GPC5: variants seen among roughly 807,000 people sequenced by gnomAD.
GPC5 encodes glypican-5.
A neutral mutation model predicts 53.9 loss-of-function variants in GPC5; 47 were observed. That is an observed-to-expected ratio of 0.87 (90% CI 0.69 to 1.11). The LOEUF is 1.11. Among genes scored for constraint, GPC5 ranks in the 50% most tolerant of loss-of-function variants. The pLI is 0.00. For synonymous variants in GPC5, 286 were observed against 263.3 expected (o/e 1.09, Z -0.84); for missense variants, 748 against 713.1 (o/e 1.05, Z -0.56).
intron 5 of GPC5, among the ~76,000 whole-genome samples, chr13:91,892,684 G>A (rs2039400052): frequency 6.6e-6 from 1 of 151,578 alleles, no homozygotes; most frequent in African/African-American, 2.4e-5. Flanking sequence ...TGTCTTAATA[G>A]ACCCAAATAT....
chr13:92,271,110 C>G (rs2042836704), intron 7 of GPC5, among the ~76,000 whole-genome samples: 1 of 152,110 alleles, frequency 6.6e-6, no homozygotes, highest in African/African-American at 2.4e-5. Context: ...CAATTTAGAG[C>G]CCAATTCCCT....
At chr13:92,074,849 A>C (rs879753079) in intron 6 of GPC5, among the ~76,000 whole-genome samples, 1 of 152,170 alleles carries the variant, frequency 6.6e-6, no homozygotes, top group Admixed American at 6.5e-5. Context: ...GCTTTGCTTA[A>C]ACTCTGCCAT....
intron 7 of GPC5, among the ~76,000 whole-genome samples, chr13:92,748,566 C>A (rs1198800213): frequency 1.3e-5 from 2 of 151,864 alleles, no homozygotes; most frequent in Non-Finnish European, 1.5e-5. Context: ...TGTGATCCAC[C>A]TGCCTCGGCC....
chr13:92,288,843 G>A (rs9523597), intron 7 of GPC5, among the ~76,000 whole-genome samples: 43,064 of 152,002 alleles, frequency 0.28, 6,240 homozygotes, highest in Middle Eastern at 0.48. Context: ...CTTGATAACA[G>A]TTTCCCAAGA....
At chr13:92,440,796 G>A (rs1877519651) in intron 7 of GPC5, among the ~76,000 whole-genome samples, 1 of 152,116 alleles carries the variant, frequency 6.6e-6, no homozygotes, top group Non-Finnish European at 1.5e-5. Flanking sequence ...ATTCTGACTG[G>A]TGTGAAATGG....
chr13:92,001,157 G>A (rs551460949), intron 6 of GPC5, among the ~76,000 whole-genome samples: 1 of 152,310 alleles, frequency 6.6e-6, no homozygotes, highest in African/African-American at 2.4e-5. Context: ...AAGACATTGA[G>A]GGTGAAGTTG....
intron 5 of GPC5, among the ~76,000 whole-genome samples, chr13:91,877,946 T>C (rs888141203): frequency 6.6e-6 from 1 of 152,268 alleles, no homozygotes; most frequent in Non-Finnish European, 1.5e-5. Context: ...CTCATGAGAT[T>C]TGATGGGTTT....
chr13:92,670,847 T>G (rs1886723871), intron 7 of GPC5, among the ~76,000 whole-genome samples: 1 of 152,140 alleles, frequency 6.6e-6, no homozygotes, highest in South Asian at 2.1e-4. Flanking sequence ...CATAAACACA[T>G]TTTCATCTAT....
intron 7 of GPC5, among the ~76,000 whole-genome samples, chr13:92,151,862 G>T (rs996646582): frequency 6.6e-6 from 1 of 152,022 alleles, no homozygotes. Flanking sequence ...ATCCAAATGG[G>T]GAGCTTAAAA....
At chr13:92,332,572 T>C (rs1385297081) in intron 7 of GPC5, among the ~76,000 whole-genome samples, 1 of 152,136 alleles carries the variant, frequency 6.6e-6, no homozygotes, top group African/African-American at 2.4e-5. Context: ...TGAGAAATAA[T>C]AGCATAATGT....
intron 7 of GPC5, among the ~76,000 whole-genome samples, chr13:92,594,445 C>T (rs1042727657): frequency 2.0e-5 from 3 of 152,086 alleles, no homozygotes; most frequent in African/African-American, 7.2e-5. Flanking sequence ...CAGTCCTTAC[C>T]CTACTTCCTT....
intron 3 of GPC5, among the ~76,000 whole-genome samples, chr13:91,711,928 C>T (rs2036235255): frequency 6.6e-6 from 1 of 152,024 alleles, no homozygotes; most frequent in Non-Finnish European, 1.5e-5. Flanking sequence ...CAGATGGGTC[C>T]CCCACATTAA....
chr13:91,917,414 G>T (rs746054576), intron 6 of GPC5, among the ~76,000 whole-genome samples: 2 of 152,112 alleles, frequency 1.3e-5, no homozygotes. Context: ...AGCTGCTTTC[G>T]TGGGCTGGCA....
intron 5 of GPC5, among the ~76,000 whole-genome samples, chr13:91,888,763 A>T (rs2039353705): frequency 6.6e-6 from 1 of 152,200 alleles, no homozygotes; most frequent in Admixed American, 6.5e-5. Flanking sequence ...GTTGCTTATC[A>T]GTAGTTTCCT....
intron 1 of GPC5, among the ~76,000 whole-genome samples, chr13:91,442,122 C>T (rs1880482311): frequency 6.6e-6 from 1 of 152,104 alleles, no homozygotes; most frequent in Non-Finnish European, 1.5e-5. Context: ...TACAGGAAGC[C>T]ACACAAATGT....
At chr13:91,930,298 G>T (rs1187721525) in intron 6 of GPC5, among the ~76,000 whole-genome samples, 1 of 151,816 alleles carries the variant, frequency 6.6e-6, no homozygotes, top group African/African-American at 2.4e-5. Flanking sequence ...ATTATAGAAG[G>T]TTAGATCCAT....
intron 2 of GPC5, among the ~76,000 whole-genome samples, chr13:91,598,860 A>G (rs2033084660): frequency 6.6e-6 from 1 of 152,038 alleles, no homozygotes; most frequent in Admixed American, 6.6e-5. Context: ...CTGGAAAGCT[A>G]TATAAAGAAA....
At position 92,602,245 on chromosome 13, in the gene GPC5, TATATA is replaced by T. The variant is rs1884098654; in HGVS notation, c.1562-264036_1562-264032del. On this transcript the variant is annotated intron_variant, in intron 7 of 7. Coordinates refer to ENST00000377067, the MANE Select transcript of GPC5 (RefSeq NM_004466.6). ...AATATATATATAACATATATATATATATATATATATATATATATGCACACACACAC... is the reference window on the plus strand; with the variant it reads ...AATATATATATAACATATATATATATTATATATATATATGCACACACACAC... Among the ~76,000 whole-genome samples the T allele has an allele frequency of 2.1e-5, 3 of 140,156 alleles. No individual in the cohort carries two copies. In the Admixed American group the frequency reaches 2.2e-4, roughly 10 times the overall value. 91.9% of individuals were successfully genotyped at this position (140,156 alleles called of 152,430 possible). A position where few individuals can be genotyped will look rare whatever the true frequency, so the allele number is the denominator to read the frequency against.
chr13:92,483,268 A>G (rs1266502832), intron 7 of GPC5, among the ~76,000 whole-genome samples: 1 of 152,200 alleles, frequency 6.6e-6, no homozygotes, highest in Non-Finnish European at 1.5e-5. Context: ...GAGCATACTT[A>G]CACCAACCTA....
Sources: gnomAD v4.1 joint callset for allele counts (sites outside exome capture counted in the v4.1 genomes callset) on GRCh38, gnomAD v4.1.1 for gene constraint, MANE v1.5 for transcripts, NCBI Gene and HGNC (gene_info 2026-07-23, HGNC 2026-07-21) for gene names.